CABCOCO1: variants seen among roughly 807,000 people sequenced by gnomAD.
The protein encoded by CABCOCO1 is ciliary associated calcium binding coiled-coil 1, also known as ciliary-associated calcium-binding coiled-coil protein 1.
A neutral mutation model predicts 35.7 loss-of-function variants in CABCOCO1; 28 were observed. The ratio of observed to expected loss-of-function variants is 0.78; its 90% confidence interval spans 0.58 to 1.07. CABCOCO1 has a LOEUF of 1.07. Among genes scored for constraint, CABCOCO1 ranks in the 50% least tolerant of loss-of-function variants. The probability of loss-of-function intolerance (pLI) is 0.00; values close to 1 mark genes in which losing one functional copy is unlikely to be tolerated. For synonymous variants in CABCOCO1, 95 were observed against 100.1 expected (o/e 0.95, Z 0.30); for missense variants, 326 against 309.2 (o/e 1.05, Z -0.41).
At position 61,683,634 on chromosome 10, in the gene CABCOCO1, C is replaced by T. The variant is rs1361647380; in HGVS notation, c.334+2322C>T. On this transcript the variant is annotated intron_variant, in intron 3 of 7. Transcript: ENST00000648843. ...TAAAGGTCAGTTATGAGGTATCATC[C>T]TACATTTTCCAATTAATTATAAGTC... Among the ~76,000 whole-genome samples the T allele has an allele frequency of 3.3e-5, 5 of 152,144 alleles. No individual in the cohort carries two copies. The East Asian group carries it at 5.8e-4, about 18-fold the overall frequency.
At chr10:61,685,591 C>T (rs1410935986) in intron 3 of CABCOCO1, among the ~76,000 whole-genome samples, 4 of 152,164 alleles carry the variant, frequency 2.6e-5, no homozygotes, top group Non-Finnish European at 5.9e-5. Flanking sequence ...GACAGAGTCT[C>T]ACTGTGTCAC....
At chr10:61,679,313 ATATCTATATCTATATC>A (rs1554821353) in intron 2 of CABCOCO1, among the ~76,000 whole-genome samples, 30 of 128,530 alleles carry the variant, frequency 2.3e-4, no homozygotes, top group Admixed American at 3.3e-4. Context: ...ATCTATATCT[ATATCTATATCTATATC>A]TATCTATATC....
intron 2 of CABCOCO1, among the ~76,000 whole-genome samples, chr10:61,673,291 T>C (rs554968801): frequency 3.9e-5 from 6 of 152,330 alleles, no homozygotes; most frequent in African/African-American, 1.4e-4. Flanking sequence ...TTTAGGCCAT[T>C]TATTTCTATA....
At chr10:61,756,685 A>C (rs554378040) in intron 5 of CABCOCO1, among the ~76,000 whole-genome samples, 1 of 152,184 alleles carries the variant, frequency 6.6e-6, no homozygotes, top group South Asian at 2.1e-4. Flanking sequence ...GAAACTCCTG[A>C]TTTTTAATCT....
intron 5 of CABCOCO1, among the ~76,000 whole-genome samples, chr10:61,719,897 G>A (rs10994898): frequency 0.66 from 93,867 of 143,126 alleles, 32,333 homozygotes; most frequent in Middle Eastern, 0.84. Flanking sequence ...CTCCAGCCTG[G>A]GCAGCAGAGT....
intron 5 of CABCOCO1, among the ~76,000 whole-genome samples, chr10:61,692,238 T>C (rs544021732): frequency 2.2e-4 from 33 of 152,336 alleles, no homozygotes; most frequent in African/African-American, 7.7e-4. Context: ...ATTCCTCTAA[T>C]GACCAGTGAT....
chr10:61,695,000 A>C (rs1840257264), intron 5 of CABCOCO1, among the ~76,000 whole-genome samples: 1 of 152,092 alleles, frequency 6.6e-6, no homozygotes, highest in Admixed American at 6.6e-5. Flanking sequence ...TACACTCCAG[A>C]TTGTATCAAC....
intron 5 of CABCOCO1, among the ~76,000 whole-genome samples, chr10:61,759,167 A>G (rs556087220): frequency 4.8e-4 from 73 of 152,152 alleles, no homozygotes; most frequent in Non-Finnish European, 6.8e-4. Flanking sequence ...AAGCTCCTAT[A>G]AAGCAAAACA....
At chr10:61,749,166 GT>G (rs1198009887) in intron 5 of CABCOCO1, among the ~76,000 whole-genome samples, 2 of 152,114 alleles carry the variant, frequency 1.3e-5, no homozygotes, top group Non-Finnish European at 2.9e-5. Context: ...CCTCCAGAAA[GT>G]TTTTTGCAAG....
intron 5 of CABCOCO1, chr10:61,701,776 T>C (rs532957780): frequency 1.0e-6 from 1 of 985,114 alleles, no homozygotes; most frequent in African/African-American, 1.7e-5. Context: ...CAAAATGTTG[T>C]CAAAGGAAAA....
At chr10:61,685,652 C>T (rs1839934312) in intron 3 of CABCOCO1, among the ~76,000 whole-genome samples, 1 of 152,136 alleles carries the variant, frequency 6.6e-6, no homozygotes, top group African/African-American at 2.4e-5. Flanking sequence ...CCTCTGCCTC[C>T]CAGGCTCAAG....
At chr10:61,663,102 C>T (rs1839055317) in intron 1 of CABCOCO1, 70 bp downstream of exon 1, 2 of 213,314 alleles carry the variant, frequency 9.4e-6, no homozygotes, top group African/African-American at 4.8e-5. Context: ...ATTCCCAGTC[C>T]GCGGAGTCTG....
chr10:61,667,060 T>C (rs1197633401), intron 1 of CABCOCO1, among the ~76,000 whole-genome samples: 2 of 142,386 alleles, frequency 1.4e-5, no homozygotes, highest in African/African-American at 2.6e-5. Context: ...ATATATTATA[T>C]ATAAATATAA....
chr10:61,680,694 ATATATATGT>A (rs1839749716), intron 2 of CABCOCO1, among the ~76,000 whole-genome samples: 1 of 48,650 alleles, frequency 2.1e-5, no homozygotes, highest in Non-Finnish European at 3.4e-5. Context: ...CATGTATAAC[ATATATATGT>A]TATACATGTA....
At chr10:61,727,618 G>A (rs908901595) in intron 5 of CABCOCO1, among the ~76,000 whole-genome samples, 2 of 152,182 alleles carry the variant, frequency 1.3e-5, no homozygotes, top group African/African-American at 2.4e-5. Context: ...ATGTTTCTGG[G>A]ATAAAAGAAA....
chr10:61,664,921 G>C (rs1839119562), intron 1 of CABCOCO1, among the ~76,000 whole-genome samples: 1 of 152,126 alleles, frequency 6.6e-6, no homozygotes, highest in African/African-American at 2.4e-5. Context: ...GTTCTTCTCA[G>C]ATCAAATTCT....
At chr10:61,701,803 A>T (rs920625653) in intron 5 of CABCOCO1, 36 of 983,876 alleles carry the variant, frequency 3.7e-5, no homozygotes, top group Admixed American at 6.2e-5. Context: ...GGATTTTCCA[A>T]GACCAGAGGC....
chr10:61,740,409 T>C (rs911498602), intron 5 of CABCOCO1, among the ~76,000 whole-genome samples: 11 of 152,324 alleles, frequency 7.2e-5, no homozygotes, highest in Middle Eastern at 3.4e-3. Context: ...TTGAAATGTA[T>C]GGAGCTAGCA....
At chr10:61,684,133 T>C (rs1839883634) in intron 3 of CABCOCO1, among the ~76,000 whole-genome samples, 1 of 152,178 alleles carries the variant, frequency 6.6e-6, no homozygotes, top group Non-Finnish European at 1.5e-5. Flanking sequence ...TGTACAATAA[T>C]AATTGAATTC....
Sources: allele counts gnomAD v4.1 joint callset (sites outside exome capture counted in the v4.1 genomes callset), GRCh38; gene constraint gnomAD v4.1.1; transcripts MANE v1.5; gene names NCBI Gene and HGNC (gene_info 2026-07-23, HGNC 2026-07-21).